The following LGR6 variants were observed in gnomAD, a reference collection of about 807,000 sequenced individuals.
The protein encoded by LGR6 is leucine-rich repeat-containing G protein-coupled receptor 6.
LGR6 carries 45 observed loss-of-function variants against 69.4 expected under a neutral mutation model. The ratio of observed to expected loss-of-function variants is 0.65; its 90% CI spans 0.51 to 0.83. LGR6 has a LOEUF of 0.83. Ranked by LOEUF, LGR6 falls within the 40% of genes least tolerant of loss-of-function variation. The pLI, the probability that LGR6 is intolerant of heterozygous loss-of-function variation, is 0.00. For missense variants in LGR6, 1,108 were observed against 1,246.7 expected, an observed-to-expected ratio of 0.89 and a Z score of 1.68; for synonymous variants, 538 against 555.0, an observed-to-expected ratio of 0.97 and a Z score of 0.43.
chr1:202,249,880 A>G (rs1663084971), intron 4 of LGR6, among the ~76,000 whole-genome samples: 1 of 152,068 alleles, frequency 6.6e-6, no homozygotes, highest in African/African-American at 2.4e-5. Context: ...TCTTTTCCCC[A>G]CATTGCAGCC....
At chr1:202,259,671 TCTC>T (rs907675786) in intron 4 of LGR6, among the ~76,000 whole-genome samples, 2 of 152,158 alleles carry the variant, frequency 1.3e-5, no homozygotes, top group African/African-American at 4.8e-5. Flanking sequence ...CTTCTTGCCT[TCTC>T]CTCCTCCTTC....
In LGR6 at chr1:202,218,663, C is replaced by A. The variant is rs141317359; in HGVS notation, c.213-6760C>A. ...ATGCCAACGGAGCCCCCACAAGTAACATGAGGTGCTCTCTGGTGCTTTCCT... is the reference window on the plus strand; with the variant it reads ...ATGCCAACGGAGCCCCCACAAGTAAAATGAGGTGCTCTCTGGTGCTTTCCT... On this transcript the variant is annotated intron_variant, in intron 1 of 17. Coordinates refer to ENST00000367278, the MANE Select transcript of LGR6 (RefSeq NM_001017403.2). 2.9e-3 allele frequency among the ~76,000 whole-genome samples: 437 copies of A among 152,278 alleles called. 2 individuals are homozygous for A. Among genetic ancestry groups the A allele is most frequent in the South Asian group, 0.017 (84 of 4,822 alleles).
chr1:202,205,067 T>G (rs1659086030), intron 1 of LGR6, among the ~76,000 whole-genome samples: 1 of 111,506 alleles, frequency 9.0e-6, no homozygotes, highest in African/African-American at 3.6e-5. Context: ...CACACACACC[T>G]AACACACACC....
intron 4 of LGR6, among the ~76,000 whole-genome samples, chr1:202,239,775 C>G (rs1256974492): frequency 3.9e-5 from 6 of 152,258 alleles, no homozygotes; most frequent in East Asian, 3.9e-4. Context: ...TCTTCACTTA[C>G]TCACTTACTG....
At chr1:202,260,288 C>T (rs1462494419) in intron 4 of LGR6, among the ~76,000 whole-genome samples, 1 of 152,130 alleles carries the variant, frequency 6.6e-6, no homozygotes, top group Non-Finnish European at 1.5e-5. Flanking sequence ...ATCCGCCCGT[C>T]TCAGCCTACC....
intron 1 of LGR6, among the ~76,000 whole-genome samples, chr1:202,215,585 A>G (rs1659721491): frequency 1.3e-5 from 2 of 152,184 alleles, no homozygotes; most frequent in African/African-American, 4.8e-5. Flanking sequence ...AGCAGGATTG[A>G]GTGGCCAAGT....
intron 6 of LGR6, among the ~76,000 whole-genome samples, chr1:202,295,553 A>C (rs1371715743): frequency 1.3e-5 from 2 of 152,182 alleles, no homozygotes; most frequent in African/African-American, 4.8e-5. Context: ...CAATTCTCCC[A>C]GTCTGGTTTT....
intron 16 of LGR6, among the ~76,000 whole-genome samples, chr1:202,314,381 CTGA>C (rs1653981668): frequency 6.6e-6 from 1 of 152,208 alleles, no homozygotes; most frequent in Non-Finnish European, 1.5e-5. Flanking sequence ...CTGCAGCTCA[CTGA>C]TGTTTTTCTT....
At chr1:202,213,379 T>C (rs1412063310) in intron 1 of LGR6, among the ~76,000 whole-genome samples, 2 of 152,068 alleles carry the variant, frequency 1.3e-5, no homozygotes, top group African/African-American at 4.8e-5. Flanking sequence ...GTCCAGCCCT[T>C]TGCCTTTCCT....
In LGR6 at chr1:202,268,138, C is replaced by T. The variant is rs1255983729; in HGVS notation, c.429-8168C>T. Among the ~76,000 whole-genome samples, 3 of 152,204 alleles carry T rather than the reference C, an allele frequency of 2.0e-5. No homozygotes were observed. The highest frequency in any genetic ancestry group is 4.4e-5 in the Non-Finnish European group (3 of 68,030). On this transcript the variant is annotated intron_variant, in intron 4 of 17. Transcript: ENST00000367278. This position sits in a 1 kb window ranked among gnomAD's most constrained non-coding sequence, Gnocchi z 4.4. ...GTACAGATTCTGTGTGTTCCCCAGT[C>T]GAGCAAGCCCTCCTGCCAAGCAGGG...
chr1:202,280,638 T>A, intron 5 of LGR6, 143 bp from the exon 6 acceptor site: 1 of 772,484 alleles, frequency 1.3e-6, no homozygotes, highest in Admixed American at 1.9e-5. Flanking sequence ...AGTCAGTTTG[T>A]TCCTGGAAAC....
At chr1:202,265,402 A>G (rs1258666493) in intron 4 of LGR6, among the ~76,000 whole-genome samples, 1 of 152,148 alleles carries the variant, frequency 6.6e-6, no homozygotes, top group Non-Finnish European at 1.5e-5. Context: ...GCTGGGATGC[A>G]AGGGATGAGC....
At chr1:202,299,808 A>G (rs1201186808) in intron 7 of LGR6, among the ~76,000 whole-genome samples, 1 of 152,240 alleles carries the variant, frequency 6.6e-6, no homozygotes, top group Non-Finnish European at 1.5e-5. Context: ...CAGAGAAGCC[A>G]GAAACTTCCA....
At chr1:202,290,858 C>T (rs149124885) in intron 6 of LGR6, among the ~76,000 whole-genome samples, 2,727 of 152,242 alleles carry the variant, frequency 0.018, 38 homozygotes, top group Non-Finnish European at 0.029. Flanking sequence ...GAGCAAAACT[C>T]TGTCTCAAAA....
Position 202,194,037 on chromosome 1 carries a change from G to A in LGR6, c.48G>A (p.Leu16=), listed in dbSNP as rs1204636140. Residue 16 remains leucine, a synonymous_variant, in exon 1 of 18, where the codon CTG becomes CTA. Transcript: ENST00000367278. ...GLRALWLCAA[L]CASRRAGGAP... ...GGGCGCTATGGCTTTGCGCCGCGCT[G>A]TGCGCTTCCCGGAGGGCCGGCGGCG... The A allele has an allele frequency of 2.2e-6, 3 of 1,385,508 alleles. No homozygotes were observed. In the African/African-American group the frequency reaches 4.6e-5, roughly 21 times the overall value. 85.8% of individuals were successfully genotyped at this position (1,385,508 alleles called of 1,614,324 possible). A position where few individuals can be genotyped will look rare whatever the true frequency, so the allele number is the denominator to read the frequency against.
rs75727219 is a variant in LGR6, at chr1:202,241,502, C to T, written c.428+5509C>T. Among the ~76,000 whole-genome samples the T allele has an allele frequency of 8.1e-3, 1,228 of 152,306 alleles. 18 individuals carry two copies. The highest frequency in any genetic ancestry group is 0.028 in the African/African-American group (1,153 of 41,560). On this transcript the variant is annotated intron_variant, in intron 4 of 17. Coordinates refer to ENST00000367278, the MANE Select transcript of LGR6 (RefSeq NM_001017403.2). Reference sequence around the variant, plus strand: ...GGCTTGGCACCTGGGCAGGCAGCACCCAGCTCCACAACACCCTCCTCCTTG... The same window carrying T: ...GGCTTGGCACCTGGGCAGGCAGCACTCAGCTCCACAACACCCTCCTCCTTG...
intron 4 of LGR6, among the ~76,000 whole-genome samples, chr1:202,245,440 C>T (rs1036083451): frequency 1.3e-5 from 2 of 152,150 alleles, no homozygotes; most frequent in African/African-American, 4.8e-5. Context: ...CCGTAAATGC[C>T]GGTCTGGGAC....
At chr1:202,307,655 T>TC (rs1558082045) in intron 14 of LGR6, among the ~76,000 whole-genome samples, 1 of 151,794 alleles carries the variant, frequency 6.6e-6, no homozygotes, top group Non-Finnish European at 1.5e-5. Context: ...GCCCTCCTCA[T>TC]CCCCCCTGCC....
rs60376943 is a variant in LGR6, at chr1:202,238,412, C to CT, written c.428+2445dup. 5.4e-3 allele frequency among the ~76,000 whole-genome samples: 452 copies of CT among 83,974 alleles called. 5 individuals are homozygous for CT. The highest frequency in any genetic ancestry group is 0.011 in the Middle Eastern group (1 of 90). The allele number at this position is 83,974 out of a possible 152,430, so 55.1% of individuals were successfully genotyped here. On this transcript the variant is annotated intron_variant, in intron 4 of 17. Coordinates refer to ENST00000367278, the MANE Select transcript of LGR6 (RefSeq NM_001017403.2). ...GTAAGCCACTGTGCCCAGCCTGATCCTTTTTTTTTTTTTTTTTTTTTTTTT... is the reference window on the plus strand; with the variant it reads ...GTAAGCCACTGTGCCCAGCCTGATCCTTTTTTTTTTTTTTTTTTTTTTTTTT...
Sources: gnomAD v4.1 joint callset for allele counts (sites outside exome capture counted in the v4.1 genomes callset) on GRCh38, gnomAD v4.1.1 for gene constraint, Gnocchi (gnomAD v3.1) non-coding constraint, MANE v1.5 for transcripts, NCBI Gene and HGNC (gene_info 2026-07-23, HGNC 2026-07-21) for gene names.